Variants in NEDD4L observed in about 807,000 individuals in gnomAD.
NEDD4L encodes E3 ubiquitin-protein ligase NEDD4-like.
In NEDD4L, 54 loss-of-function variants were observed where a neutral mutation model predicts 148.9. That is an observed-to-expected ratio of 0.36 (90% CI 0.29 to 0.45). The LOEUF is 0.45. Among genes scored for constraint, NEDD4L ranks in the 20% least tolerant of loss-of-function variants. NEDD4L has a pLI of 1.00. For synonymous variants in NEDD4L, 433 were observed against 440.7 expected (o/e 0.98, Z 0.22); for missense variants, 856 against 1,233.8 (o/e 0.69, Z 4.59).
intron 5 of NEDD4L, among the ~76,000 whole-genome samples, chr18:58,287,172 A>T (rs764404603): frequency 7.0e-6 from 1 of 143,728 alleles, no homozygotes; most frequent in Non-Finnish European, 1.5e-5. Context: ...ATTGAACTTT[A>T]TCCTGCTAAG....
intron 2 of NEDD4L, among the ~76,000 whole-genome samples, chr18:58,234,949 G>A (rs183906297): frequency 6.4e-4 from 97 of 152,070 alleles, no homozygotes; most frequent in African/African-American, 2.2e-3. Context: ...CCTTCCCTCC[G>A]ACAATTTCGC....
intron 6 of NEDD4L, among the ~76,000 whole-genome samples, chr18:58,317,426 G>T (rs2058389872): frequency 6.6e-6 from 1 of 152,138 alleles, no homozygotes; most frequent in African/African-American, 2.4e-5. Flanking sequence ...TTGGTTGATG[G>T]GCCAGCTCTT....
chr18:58,400,515 G>A lies in NEDD4L; in HGVS notation c.*4246G>A, dbSNP rs558061815. Reference sequence around the variant, plus strand: ...TGCCACAGCATTAGGACGGGAGCTTGGAGAACGTTTTCTAGAAAAGGGTTA... The same window carrying A: ...TGCCACAGCATTAGGACGGGAGCTTAGAGAACGTTTTCTAGAAAAGGGTTA... On this transcript the variant is annotated 3_prime_UTR_variant, in exon 31 of 31. Coordinates refer to ENST00000400345, the MANE Select transcript of NEDD4L (RefSeq NM_001144967.3). 1.3e-5 allele frequency: 2 copies of A among 152,300 alleles called. No individual in the cohort carries two copies. The highest frequency in any genetic ancestry group is 1.3e-4 in the Admixed American group (2 of 15,288). The allele number at this position is 152,300 out of a possible 1,614,324, so 9.4% of individuals were successfully genotyped here.
At chr18:58,181,219 C>G (rs1318705078) in intron 2 of NEDD4L, among the ~76,000 whole-genome samples, 1 of 152,092 alleles carries the variant, frequency 6.6e-6, no homozygotes, top group Non-Finnish European at 1.5e-5. Flanking sequence ...TAGAGAATTT[C>G]TTAAACTTGT....
chr18:58,261,290 C>T (rs1477875321), intron 5 of NEDD4L, among the ~76,000 whole-genome samples: 2 of 152,146 alleles, frequency 1.3e-5, no homozygotes, highest in South Asian at 2.1e-4. Context: ...AGCCTTATAA[C>T]ATTTTGGCTT....
chr18:58,285,753 T>G (rs1465402465), intron 5 of NEDD4L, among the ~76,000 whole-genome samples: 1 of 152,230 alleles, frequency 6.6e-6, no homozygotes, highest in African/African-American at 2.4e-5. Context: ...TTTCTAACAT[T>G]CAAATGCTTT....
intron 1 of NEDD4L, among the ~76,000 whole-genome samples, chr18:58,131,007 C>T (rs557505248): frequency 9.2e-4 from 117 of 127,742 alleles, no homozygotes; most frequent in Middle Eastern, 7.0e-3. Context: ...TGACTGTGAT[C>T]TAGCAGAACA....
intron 5 of NEDD4L, 122 bp from the exon 6 acceptor site, chr18:58,315,860 G>T (rs558282895): frequency 1.1e-6 from 1 of 885,182 alleles, no homozygotes; most frequent in African/African-American, 1.6e-5. Flanking sequence ...GGGGCCTTCC[G>T]CCCTCCACAT....
At chr18:58,112,959 A>G (rs2085511009) in intron 1 of NEDD4L, among the ~76,000 whole-genome samples, 1 of 152,218 alleles carries the variant, frequency 6.6e-6, no homozygotes, top group Non-Finnish European at 1.5e-5. Context: ...TTATAAGAAG[A>G]GGCCAAGTGA....
intron 2 of NEDD4L, among the ~76,000 whole-genome samples, chr18:58,190,919 C>T (rs1030639438): frequency 1.3e-5 from 2 of 152,086 alleles, no homozygotes; most frequent in Non-Finnish European, 2.9e-5. Context: ...CTGAACATAG[C>T]GAGTGACGTA....
intron 1 of NEDD4L, among the ~76,000 whole-genome samples, chr18:58,101,482 G>T (rs779633962): frequency 2.0e-5 from 3 of 152,008 alleles, no homozygotes; most frequent in African/African-American, 7.3e-5. Context: ...GAAAGAGCCC[G>T]TTCTTTGTTT....
chr18:58,317,218 GA>G, intron 6 of NEDD4L, among the ~76,000 whole-genome samples: 1 of 152,366 alleles, frequency 6.6e-6, no homozygotes, highest in South Asian at 2.1e-4. Context: ...GGTGCCACGG[GA>G]GGGGCCTGCC....
intron 8 of NEDD4L, among the ~76,000 whole-genome samples, chr18:58,324,237 G>A (rs573010795): frequency 2.0e-4 from 31 of 152,238 alleles, no homozygotes; most frequent in South Asian, 1.0e-3. Context: ...CCTTCCAACC[G>A]CAGTAACCAG....
chr18:58,263,810 A>G (rs1441380034), intron 5 of NEDD4L, among the ~76,000 whole-genome samples: 3 of 152,208 alleles, frequency 2.0e-5, no homozygotes, highest in South Asian at 2.1e-4. Flanking sequence ...CTGAAATGTA[A>G]TAATGTATAT....
chr18:58,115,815 G>A (rs1255228660), intron 1 of NEDD4L, among the ~76,000 whole-genome samples: 2 of 152,114 alleles, frequency 1.3e-5, no homozygotes, highest in Non-Finnish European at 2.9e-5. Flanking sequence ...TTCACCTTTT[G>A]GGCAAACTTG....
At chr18:58,240,729 T>G (rs188358569) in intron 2 of NEDD4L, among the ~76,000 whole-genome samples, 15 of 152,324 alleles carry the variant, frequency 9.8e-5, no homozygotes, top group African/African-American at 3.1e-4. Flanking sequence ...CTGCCTGCTG[T>G]CTTATCTCCT....
intron 2 of NEDD4L, among the ~76,000 whole-genome samples, chr18:58,198,217 T>G (rs2040955341): frequency 6.6e-6 from 1 of 152,170 alleles, no homozygotes; most frequent in Non-Finnish European, 1.5e-5. Flanking sequence ...AGGTGGCCCT[T>G]TTTTAAAATT....
rs188597248 is a variant in NEDD4L, at chr18:58,256,579, G to A, written c.297+4525G>A. ...AGGCATCGCCTCGAGCTGGCAGGAT[G>A]GCTCCTGAAATCCGCAGGACGAACT... On this transcript the variant is annotated intron_variant, in intron 5 of 30. Transcript: ENST00000400345. The surrounding 1 kb of genome is among the most constrained non-coding windows in gnomAD (Gnocchi z 5.2). 10 of 1,232,334 alleles carry A rather than the reference G, an allele frequency of 8.1e-6. No homozygotes were observed. The highest frequency in any genetic ancestry group is 6.3e-5 in the East Asian group (2 of 31,700). 76.3% of individuals were successfully genotyped at this position (1,232,334 alleles called of 1,614,324 possible).
intron 18 of NEDD4L, among the ~76,000 whole-genome samples, chr18:58,354,330 C>A (rs1248880947): frequency 1.3e-5 from 2 of 152,102 alleles, no homozygotes; most frequent in Non-Finnish European, 2.9e-5. Flanking sequence ...AACAGTCTTA[C>A]TAGACCTGTT....
Sources: gnomAD v4.1 joint callset for allele counts (sites outside exome capture counted in the v4.1 genomes callset) on GRCh38, gnomAD v4.1.1 for gene constraint, Gnocchi (gnomAD v3.1) non-coding constraint, MANE v1.5 for transcripts, NCBI Gene and HGNC (gene_info 2026-07-23, HGNC 2026-07-21) for gene names.